The following GLRA1 variants were observed in gnomAD, a reference collection of about 807,000 sequenced individuals.
The protein encoded by GLRA1 is glycine receptor alpha 1, also known as glycine receptor subunit alpha-1.
Under a neutral mutation model 48.3 loss-of-function variants are expected in GLRA1, and 37 were observed. The ratio of observed to expected loss-of-function variants is 0.77; its 90% CI spans 0.59 to 1.01. The LOEUF is 1.01. Ranked by LOEUF, GLRA1 falls within the 50% of genes least tolerant of loss-of-function variation. The pLI, the probability that GLRA1 is intolerant of heterozygous loss-of-function variation, is 0.00. For missense variants in GLRA1, 427 were observed against 571.0 expected (o/e 0.75, Z 2.57); for synonymous variants, 196 against 210.7 (o/e 0.93, Z 0.60).
At chr5:151,850,295 A>G in intron 7 of GLRA1, 1 of 1,602,342 alleles carries the variant, frequency 6.2e-7, no homozygotes, top group Non-Finnish European at 8.5e-7. Context: ...TTCAAACCGG[A>G]CCCTGTGAAA....
intron 3 of GLRA1, among the ~76,000 whole-genome samples, chr5:151,868,986 CT>C (rs1287704525): frequency 1.3e-5 from 2 of 152,136 alleles, no homozygotes; most frequent in Non-Finnish European, 2.9e-5. Flanking sequence ...ACCAGTGGAG[CT>C]TAGCATCTTT....
chr5:151,848,856 C>T, intron 7 of GLRA1: 1 of 594,072 alleles, frequency 1.7e-6, no homozygotes, highest in South Asian at 1.6e-5. Flanking sequence ...TACCCGCCCG[C>T]CTGCTCAGCG....
intron 7 of GLRA1, among the ~76,000 whole-genome samples, chr5:151,841,926 G>A (rs528771762): frequency 9.9e-5 from 15 of 152,058 alleles, no homozygotes; most frequent in Non-Finnish European, 1.2e-4. Flanking sequence ...GCGTGGTGGC[G>A]TGTGCCTGTA....
intron 7 of GLRA1, among the ~76,000 whole-genome samples, chr5:151,848,459 C>T (rs961234933): frequency 7.2e-5 from 11 of 152,158 alleles, no homozygotes; most frequent in Admixed American, 3.9e-4. Flanking sequence ...CTCCGCCTCT[C>T]GGGTTCAGGT....
At chr5:151,848,194 G>T (rs763714392) in intron 7 of GLRA1, among the ~76,000 whole-genome samples, 1 of 152,146 alleles carries the variant, frequency 6.6e-6, no homozygotes, top group South Asian at 2.1e-4. Context: ...AACTGATAAG[G>T]CTGGCTCGCT....
chr5:151,850,769 A>G lies in GLRA1; in HGVS notation c.912+621T>C, dbSNP rs1005798009. On this transcript the variant is annotated intron_variant, in intron 7 of 8. Coordinates refer to ENST00000274576, the MANE Select transcript of GLRA1 (RefSeq NM_000171.4). ...ACGTGTCTTCTCAATGAAACCGGCA[A>G]TGAGCCCTTCCAGTACAAAAACTAA... The G allele has an allele frequency of 7.0e-6, 7 of 1,000,146 alleles. No homozygotes were observed. The African/African-American group carries it at 9.5e-5, about 14-fold the overall frequency. The allele number at this position is 1,000,146 out of a possible 1,614,324, so 62.0% of individuals were successfully genotyped here. A position where few individuals can be genotyped will look rare whatever the true frequency, so the allele number is the denominator to read the frequency against.
At chr5:151,861,244 T>C (rs1275775684) in intron 3 of GLRA1, among the ~76,000 whole-genome samples, 2 of 152,220 alleles carry the variant, frequency 1.3e-5, no homozygotes, top group Non-Finnish European at 2.9e-5. Context: ...ATATACCCAG[T>C]AATGGGATGG....
At position 151,822,943 on chromosome 5, in the gene GLRA1, G is replaced by A. The variant is rs1763178853; in HGVS notation, c.1080C>T (p.Gly360=). The change falls in exon 9 of 9, where the codon GGC becomes GGT. Residue 360 remains glycine (G), a synonymous_variant. Coordinates refer to ENST00000274576, the MANE Select transcript of GLRA1 (RefSeq NM_000171.4). ...TCCCATAGGCAGAGAAGTTAAAGCG[G>A]CCTTCTCCAGCTTCATCCTCCTGGA... The part of the protein sequence containing the change: ...RHHKEDEAGE[G]RFNFSAYGMG... 20 of 1,607,992 alleles carry A rather than the reference G, an allele frequency of 1.2e-5. No individual in the cohort carries two copies. Among genetic ancestry groups the A allele is most frequent in the Non-Finnish European group, 1.6e-5 (19 of 1,175,980 alleles).
intron 3 of GLRA1, among the ~76,000 whole-genome samples, chr5:151,863,785 A>G (rs189484218): frequency 2.0e-5 from 3 of 152,110 alleles, no homozygotes; most frequent in East Asian, 1.9e-4. Context: ...AAAACAAACA[A>G]CCTTCCTCCC....
At chr5:151,891,323 G>A (rs1754063348) in intron 2 of GLRA1, among the ~76,000 whole-genome samples, 1 of 152,234 alleles carries the variant, frequency 6.6e-6, no homozygotes, top group Non-Finnish European at 1.5e-5. Context: ...TAGACACTAA[G>A]TTCCCATAGG....
intron 8 of GLRA1, among the ~76,000 whole-genome samples, chr5:151,824,025 A>G (rs1189459773): frequency 6.6e-6 from 1 of 151,060 alleles, no homozygotes; most frequent in East Asian, 2.0e-4. Flanking sequence ...GCCCAACTAG[A>G]TAATGCTTTC....
At chr5:151,897,699 A>C (rs1313507206) in intron 1 of GLRA1, among the ~76,000 whole-genome samples, 1 of 152,228 alleles carries the variant, frequency 6.6e-6, no homozygotes, top group East Asian at 1.9e-4. Context: ...GTATTCTAGG[A>C]CTATTTAGAC....
intron 1 of GLRA1, among the ~76,000 whole-genome samples, chr5:151,907,340 GA>G (rs1388714687): frequency 6.6e-6 from 1 of 152,154 alleles, no homozygotes. Context: ...TCTTCACTGG[GA>G]AAAATTTTAG....
At chr5:151,868,712 G>A (rs985351459) in intron 3 of GLRA1, among the ~76,000 whole-genome samples, 1 of 152,184 alleles carries the variant, frequency 6.6e-6, no homozygotes, top group African/African-American at 2.4e-5. Context: ...GTATTGAAAA[G>A]GGCAAAGGAC....
intron 1 of GLRA1, among the ~76,000 whole-genome samples, chr5:151,918,438 A>G (rs895985545): frequency 6.6e-6 from 1 of 152,042 alleles, no homozygotes; most frequent in Non-Finnish European, 1.5e-5. Flanking sequence ...GGCCCTTCTC[A>G]TTTCTTAAAA....
rs116633889 is a variant in GLRA1 at position 151,825,134 on chromosome 5, C to T, written c.1060-2171G>A. The stretch of plus-strand genomic sequence containing the variant: ...CTGGCAAACAGGTGCTCAGTAAGTA[C>T]TTGTCTATGAATAGGGCAACAGTAG... On this transcript the variant is annotated intron_variant, in intron 8 of 8. Transcript: ENST00000274576. Among the ~76,000 whole-genome samples, 1,219 of 152,262 alleles carry T rather than the reference C, an allele frequency of 8.0e-3. 20 individuals carry two copies. Among genetic ancestry groups the T allele is most frequent in the African/African-American group, 0.028 (1,169 of 41,556 alleles).
At chr5:151,912,994 A>G (rs2113455166) in intron 1 of GLRA1, among the ~76,000 whole-genome samples, 1 of 152,326 alleles carries the variant, frequency 6.6e-6, no homozygotes, top group South Asian at 2.1e-4. Context: ...GGATTTAGGA[A>G]GAAGAGTCCG....
intron 3 of GLRA1, among the ~76,000 whole-genome samples, chr5:151,864,347 C>T (rs754123486): frequency 6.6e-6 from 1 of 152,158 alleles, no homozygotes; most frequent in Admixed American, 6.5e-5. Flanking sequence ...AGGCAGCAGG[C>T]GCCGTTCTAG....
chr5:151,859,641 G>A, intron 4 of GLRA1, 144 bp downstream of exon 4: 1 of 678,916 alleles, frequency 1.5e-6, no homozygotes, highest in Admixed American at 2.1e-5. Flanking sequence ...AAGTTACAGA[G>A]CTGGGTCTAC....
Sources: allele counts gnomAD v4.1 joint callset (sites outside exome capture counted in the v4.1 genomes callset), GRCh38; gene constraint gnomAD v4.1.1; transcripts MANE v1.5; gene names NCBI Gene and HGNC (gene_info 2026-07-23, HGNC 2026-07-21).